Variants in WIZ observed in about 807,000 individuals in gnomAD.
WIZ encodes the protein WIZ zinc finger.
A neutral mutation model predicts 140.2 loss-of-function variants in WIZ; 25 were observed. The observed-to-expected ratio is 0.18, with a 90% CI of 0.13 to 0.25. The LOEUF (loss-of-function observed/expected upper bound fraction) is 0.25. Among genes scored for constraint, WIZ ranks in the 10% least tolerant of loss-of-function variants. The pLI is 1.00. For synonymous variants in WIZ, 1,125 were observed against 1,154.3 expected (o/e 0.97, Z 0.51); for missense variants, 2,231 against 2,632.6 (o/e 0.85, Z 3.34).
Position 15,439,294 on chromosome 19 carries a change from A to T in WIZ, c.1700T>A (p.Leu567His). The T allele has an allele frequency of 6.5e-7, 1 of 1,535,574 alleles. No homozygotes were observed. The highest frequency in any genetic ancestry group is 8.7e-7 in the Non-Finnish European group (1 of 1,146,668). Reference sequence around the variant, plus strand: ...AGGCCTCTGGCCCGTGCCATGCAGGAGTGGCTTTGACAGCGGGAAATCTCT... The same window carrying T: ...AGGCCTCTGGCCCGTGCCATGCAGGTGTGGCTTTGACAGCGGGAAATCTCT... Reference protein sequence around the residue: ...SIRDFPLSKPLLHGTGQRPLG... With the variant: ...SIRDFPLSKPHLHGTGQRPLG... Residue 567 changes from leucine to histidine, a missense_variant, in exon 4 of 13, where the codon CTC becomes CAC. Coordinates refer to ENST00000673675, the MANE Select transcript of WIZ (RefSeq NM_001371589.1). This position sits in a 1 kb window ranked among gnomAD's most constrained non-coding sequence, Gnocchi z 7.0.
At chr19:15,426,917 C>G (rs1329043021) in intron 9 of WIZ, 65 bp downstream of exon 9, 36 of 1,540,034 alleles carry the variant, frequency 2.3e-5, no homozygotes, top group Middle Eastern at 4.8e-4. Flanking sequence ...TGGATACCCC[C>G]AAGGGGAGGC....
rs976161920 is a variant in WIZ at position 15,440,727 on chromosome 19, T to C, written c.279-12A>G. On this transcript the variant is annotated splice_polypyrimidine_tract_variant and intron_variant, in intron 3 of 12. Transcript: ENST00000673675. The surrounding 1 kb of genome is among the most constrained non-coding windows in gnomAD (Gnocchi z 6.2). ...CTCCATCCCAGCAGCTGCAAGGAAG[T>C]GCCAATGGGGACAGGTTAGCCATGG... is the stretch of plus-strand genomic sequence containing the variant. The C allele has an allele frequency of 3.9e-5, 57 of 1,475,706 alleles. No homozygotes were observed. Among genetic ancestry groups the C allele is most frequent in the Middle Eastern group, 2.3e-4 (1 of 4,388 alleles). 91.4% of individuals were successfully genotyped at this position (1,475,706 alleles called of 1,614,324 possible). A position where few individuals can be genotyped will look rare whatever the true frequency, so the allele number is the denominator to read the frequency against.
chr19:15,430,682 G>A (rs765117283), intron 6 of WIZ, among the ~76,000 whole-genome samples: 5 of 152,182 alleles, frequency 3.3e-5, no homozygotes, highest in East Asian at 1.9e-4. Flanking sequence ...ATCAACAGAC[G>A]AAGAAATGGT....
At chr19:15,435,101 C>T (rs1969472233) in intron 5 of WIZ, among the ~76,000 whole-genome samples, 1 of 152,108 alleles carries the variant, frequency 6.6e-6, no homozygotes, top group Non-Finnish European at 1.5e-5. Context: ...CCCTGTAATC[C>T]CAGCTACTCA....
At chr19:15,432,509 G>A in intron 5 of WIZ, 1 of 972,898 alleles carries the variant, frequency 1.0e-6, no homozygotes, top group Non-Finnish European at 1.2e-6. Context: ...GGCGGTGGCG[G>A]TGGCGGTGGT....
chr19:15,438,488 C>A, intron 4 of WIZ, 90 bp downstream of exon 4: 4 of 1,375,698 alleles, frequency 2.9e-6, no homozygotes, highest in African/African-American at 2.9e-5. Context: ...CCCAGTGTCC[C>A]CCTGCTTGGC....
At position 15,439,702 on chromosome 19, in the gene WIZ, G is replaced by A; in HGVS notation, c.1292C>T (p.Thr431Ile). 1 of 1,494,978 alleles carries A rather than the reference G, an allele frequency of 6.7e-7. No individual in the cohort carries two copies. The highest frequency in any genetic ancestry group is 8.9e-7 in the Non-Finnish European group (1 of 1,129,396). The allele number at this position is 1,494,978 out of a possible 1,614,324, so 92.6% of individuals were successfully genotyped here. ...GCTGCCTCCAAAAGGCTCTTTGGTG[G>A]TCTGGCCTGGGGGCTCACGCATGTG... is the stretch of plus-strand genomic sequence containing the variant. ...KLHMREPPGQ[T>I]TKEPFGGSSG... The change falls in exon 4 of 13, where the codon ACC becomes ATC. Residue 431 changes from threonine (T) to isoleucine (I), a missense_variant. Coordinates refer to ENST00000673675, the MANE Select transcript of WIZ (RefSeq NM_001371589.1). The surrounding 1 kb of genome is among the most constrained non-coding windows in gnomAD (Gnocchi z 7.0).
rs1198149383 is a variant in WIZ, at chr19:15,440,209, G to T, written c.785C>A (p.Ala262Asp). ...CGAGTTCACTGTCCAGGTCTGTGTG[G>T]CTACCTCCGAGGCTGACGTGGGTAG... is the stretch of plus-strand genomic sequence containing the variant. ...WGLPTSASEV[A>D]TQTWTVNSEA... The change falls in exon 4 of 13, where the codon GCC becomes GAC. Residue 262 changes from alanine (A) to aspartate (D), a missense_variant. This residue lies in a region of WIZ where 307 missense variants were observed against 294.1 expected (regional missense o/e 1.04). Transcript: ENST00000673675. This position sits in a 1 kb window ranked among gnomAD's most constrained non-coding sequence, Gnocchi z 6.2. 6.6e-7 allele frequency: 1 copy of T among 1,523,298 alleles called. No homozygotes were observed. The highest frequency in any genetic ancestry group is 2.4e-5 in the East Asian group (1 of 40,836). 94.4% of individuals were successfully genotyped at this position (1,523,298 alleles called of 1,614,324 possible).
At chr19:15,448,956 C>G (rs1252701089) in intron 1 of WIZ, among the ~76,000 whole-genome samples, 1 of 152,146 alleles carries the variant, frequency 6.6e-6, no homozygotes, top group Non-Finnish European at 1.5e-5. Context: ...CCTTCACCCC[C>G]CTCCACACAC....
chr19:15,427,247 C>G lies in WIZ; in HGVS notation c.4101G>C (p.Ser1367=), dbSNP rs1568293503. Residue 1367 remains serine (S), a synonymous_variant, in exon 9 of 13, where the codon TCG becomes TCC. Transcript: ENST00000673675. The surrounding 1 kb of genome is among the most constrained non-coding windows in gnomAD (Gnocchi z 6.4). Reference sequence around the variant, plus strand: ...TGGCCAAGGGTGAGATGTGAAGGTCCGAGGGGCTGCGGGCTTCCAGTGAGC... The same window carrying G: ...TGGCCAAGGGTGAGATGTGAAGGTCGGAGGGGCTGCGGGCTTCCAGTGAGC... ...PGSSLEARSP[S]DLHISPLAKK... 3 of 1,613,682 alleles carry G rather than the reference C, an allele frequency of 1.9e-6. No individual in the cohort carries two copies. The highest frequency in any genetic ancestry group is 2.7e-5 in the African/African-American group (2 of 74,870).
Position 15,428,531 on chromosome 19 carries a change from G to C in WIZ, c.3416-23C>G, listed in dbSNP as rs1028431962. On this transcript the variant is annotated intron_variant, in intron 7 of 12. Transcript: ENST00000673675. This position sits in a 1 kb window ranked among gnomAD's most constrained non-coding sequence, Gnocchi z 6.4. Reference sequence around the variant, plus strand: ...AAGCTGCGGAGACAAAACACAGGGGGGGTTCACGGCCGCCACCTTGGCCGG... The same window carrying C: ...AAGCTGCGGAGACAAAACACAGGGGCGGTTCACGGCCGCCACCTTGGCCGG... 1 of 1,535,392 alleles carries C rather than the reference G, an allele frequency of 6.5e-7. No homozygotes were observed. The highest frequency in any genetic ancestry group is 1.4e-5 in the African/African-American group (1 of 73,134).
chr19:15,431,629 G>A (rs1199121399), intron 5 of WIZ, among the ~76,000 whole-genome samples: 2 of 152,226 alleles, frequency 1.3e-5, no homozygotes, highest in African/African-American at 2.4e-5. Flanking sequence ...GGACAGGGAG[G>A]TGGCTTCACA....
chr19:15,424,935 G>C lies in WIZ; in HGVS notation c.4992C>G (p.Thr1664=). 6.2e-7 allele frequency: 1 copy of C among 1,610,218 alleles called. No individual in the cohort carries two copies. The highest frequency in any genetic ancestry group is 8.5e-7 in the Non-Finnish European group (1 of 1,178,984). The change falls in exon 11 of 13, where the codon ACC becomes ACG. Residue 1664 remains threonine, a synonymous_variant. Coordinates refer to ENST00000673675, the MANE Select transcript of WIZ (RefSeq NM_001371589.1). The surrounding 1 kb of genome is among the most constrained non-coding windows in gnomAD (Gnocchi z 9.7). Reference sequence around the variant, plus strand: ...TGGGCGAGCCATTGACGCACCACTCGGTCACGCCGAACTGCCGCAGGTGTG... The same window carrying C: ...TGGGCGAGCCATTGACGCACCACTCCGTCACGCCGAACTGCCGCAGGTGTG... ...ARAHLRQFGV[T]EWCVNGSPIE...
Position 15,431,115 on chromosome 19 carries a change from G to A in WIZ, c.2808C>T (p.Ser936=), listed in dbSNP as rs1244097911. ...GCTCCAGGGCCCCAGGGACAGGCAG[G>A]CTCTTCTTAGGGAGCGAGGGAGAGC... is the stretch of plus-strand genomic sequence containing the variant. ...DLGSPSLPKK[S]LPVPGALEQV... The change falls in exon 6 of 13, where the codon AGC becomes AGT. Residue 936 remains serine, a synonymous_variant. Transcript: ENST00000673675. The A allele has an allele frequency of 6.5e-6, 10 of 1,535,676 alleles. No homozygotes were observed. The African/African-American group carries it at 1.4e-4, about 21-fold the overall frequency.
chr19:15,425,799 G>T, intron 9 of WIZ, 31 bp from the exon 10 acceptor site: 2 of 1,135,794 alleles, frequency 1.8e-6, no homozygotes. Flanking sequence ...GGGGAAGGAG[G>T]AGGAGGAGGA....
chr19:15,435,517 G>A (rs1223423505), intron 5 of WIZ, among the ~76,000 whole-genome samples: 1 of 152,146 alleles, frequency 6.6e-6, no homozygotes, highest in Non-Finnish European at 1.5e-5. Context: ...CAGGTCTGCC[G>A]GATAAAGCAA....
At chr19:15,449,205 G>A (rs910363778) in intron 1 of WIZ, among the ~76,000 whole-genome samples, 1 of 152,118 alleles carries the variant, frequency 6.6e-6, no homozygotes, top group Non-Finnish European at 1.5e-5. Context: ...CAGGAATGAG[G>A]CGCCCTCCCC....
rs1455536926 is a variant in WIZ, at chr19:15,440,362, G to A, written c.632C>T (p.Pro211Leu). The A allele has an allele frequency of 6.5e-7, 1 of 1,531,326 alleles. No individual in the cohort carries two copies. The highest frequency in any genetic ancestry group is 2.0e-5 in the Admixed American group (1 of 50,844). 94.9% of individuals were successfully genotyped at this position (1,531,326 alleles called of 1,614,324 possible). A position where few individuals can be genotyped will look rare whatever the true frequency, so the allele number is the denominator to read the frequency against. ...AAACACCCTCCTGAAGGGGGCGAGGGGTGGCGGCTGGGCAGGCAGGTCCAA... is the reference window on the plus strand; with the variant it reads ...AAACACCCTCCTGAAGGGGGCGAGGAGTGGCGGCTGGGCAGGCAGGTCCAA... ...LHLDLPAQPP[P>L]LAPFRRVFVP... The change falls in exon 4 of 13, where the codon CCC becomes CTC. Residue 211 changes from proline (P) to leucine (L), a missense_variant. Coordinates refer to ENST00000673675, the MANE Select transcript of WIZ (RefSeq NM_001371589.1). The surrounding 1 kb of genome is among the most constrained non-coding windows in gnomAD (Gnocchi z 6.2).
At position 15,424,398 on chromosome 19, in the gene WIZ, G is replaced by T; in HGVS notation, c.5315-20C>A. Reference sequence around the variant, plus strand: ...CAAATTCTAAGGTGGAGAGGGGGACGGGAGATGAGTGGGAGGGGTGGATGC... The same window carrying T: ...CAAATTCTAAGGTGGAGAGGGGGACTGGAGATGAGTGGGAGGGGTGGATGC... On this transcript the variant is annotated intron_variant, in intron 11 of 12. Transcript: ENST00000673675. This position sits in a 1 kb window ranked among gnomAD's most constrained non-coding sequence, Gnocchi z 9.7. The T allele has an allele frequency of 6.3e-7, 1 of 1,596,766 alleles. No homozygotes were observed. The highest frequency in any genetic ancestry group is 8.5e-7 in the Non-Finnish European group (1 of 1,175,410).
Sources: gnomAD v4.1 joint callset for allele counts (sites outside exome capture counted in the v4.1 genomes callset) on GRCh38, gnomAD v4.1.1 for gene constraint, gnomAD v4.1.1 regional missense constraint, Gnocchi (gnomAD v3.1) non-coding constraint, MANE v1.5 for transcripts, NCBI Gene and HGNC (gene_info 2026-07-23, HGNC 2026-07-21) for gene names.